The following TNFRSF21 variants were observed in gnomAD, a reference collection of about 807,000 sequenced individuals.
The protein encoded by TNFRSF21 is tumor necrosis factor receptor superfamily member 21.
TNFRSF21 carries 19 observed loss-of-function variants against 45.6 expected under a neutral mutation model. The observed-to-expected ratio is 0.42, with a 90% CI of 0.29 to 0.61. TNFRSF21 has a LOEUF of 0.61. Among genes scored for constraint, TNFRSF21 ranks in the 20% least tolerant of loss-of-function variants. TNFRSF21 has a pLI of 0.23. For missense variants in TNFRSF21, 737 were observed against 851.5 expected (o/e 0.87, Z 1.67); for synonymous variants, 314 against 335.5 (o/e 0.94, Z 0.70).
chr6:47,298,284 T>TAAAAA (rs558717941), intron 1 of TNFRSF21, among the ~76,000 whole-genome samples: 1 of 74,408 alleles, frequency 1.3e-5, no homozygotes. Flanking sequence ...TACAAAAAAT[T>TAAAAA]AAAAAAAAAA....
intron 3 of TNFRSF21, among the ~76,000 whole-genome samples, chr6:47,256,781 C>A (rs1764995230): frequency 1.3e-5 from 2 of 152,164 alleles, no homozygotes. Flanking sequence ...GTAGACTCTT[C>A]CAAACACCAA....
chr6:47,291,461 G>C (rs1762728586), intron 1 of TNFRSF21, among the ~76,000 whole-genome samples: 1 of 152,218 alleles, frequency 6.6e-6, no homozygotes. Context: ...ACTCAGACTA[G>C]GGTGGCGGAT....
In TNFRSF21 at chr6:47,286,565, G is replaced by T. The variant is rs1392804443; in HGVS notation, c.127C>A (p.Pro43Thr). The change falls in exon 2 of 6, where the codon CCA (proline) becomes ACA (threonine). Residue 43 changes from proline (P) to threonine (T), a missense_variant. Pro to Thr is a conservative substitution (Grantham distance 38). Coordinates refer to ENST00000296861, the MANE Select transcript of TNFRSF21 (RefSeq NM_014452.5). ...LGFLSTTTAQ[P>T]EQKASNLIGT... ...ATGAGATTCGAGGCCTTCTGTTCTG[G>T]CTGAGCTGTGGTGGTGCTAAGGAAT... 4.3e-6 allele frequency: 7 copies of T among 1,609,768 alleles called. No individual in the cohort carries two copies. In the Admixed American group the frequency reaches 1.0e-4, roughly 23 times the overall value.
At position 47,258,389 on chromosome 6, in the gene TNFRSF21, G is replaced by T. The variant is rs1035871104; in HGVS notation, c.1244-4868C>A. Among the ~76,000 whole-genome samples, 83 of 147,624 alleles carry T rather than the reference G, an allele frequency of 5.6e-4. 2 individuals are homozygous for T. The highest frequency in any genetic ancestry group is 1.3e-4 in the Admixed American group (2 of 14,854). On this transcript the variant is annotated intron_variant, in intron 3 of 5. Coordinates refer to ENST00000296861, the MANE Select transcript of TNFRSF21 (RefSeq NM_014452.5). The stretch of plus-strand genomic sequence containing the variant: ...TCTCAAAAAAAAGAAAAAAATAAAA[G>T]TAATTGTGGTTTTTTTTTTTTTTTT...
chr6:47,237,908 G>C (rs1040278340), intron 4 of TNFRSF21, among the ~76,000 whole-genome samples: 3 of 152,146 alleles, frequency 2.0e-5, no homozygotes, highest in Admixed American at 6.5e-5. Flanking sequence ...AAATGAGCCA[G>C]GCGTGGTGGC....
At chr6:47,274,249 A>C (rs1762464836) in intron 3 of TNFRSF21, among the ~76,000 whole-genome samples, 1 of 152,234 alleles carries the variant, frequency 6.6e-6, no homozygotes, top group South Asian at 2.1e-4. Flanking sequence ...CTACAAGGCT[A>C]TAGTAACCAA....
At chr6:47,301,292 G>A (rs1762862131) in intron 1 of TNFRSF21, among the ~76,000 whole-genome samples, 1 of 152,170 alleles carries the variant, frequency 6.6e-6, no homozygotes, top group South Asian at 2.1e-4. Flanking sequence ...ACACAATGAT[G>A]AAGAGCATAT....
At chr6:47,244,618 T>C (rs1458657222) in intron 4 of TNFRSF21, among the ~76,000 whole-genome samples, 1 of 152,212 alleles carries the variant, frequency 6.6e-6, no homozygotes, top group African/African-American at 2.4e-5. Context: ...AAGTTTTTTT[T>C]CTAGTACTTT....
At chr6:47,238,640 A>G (rs1764699609) in intron 4 of TNFRSF21, among the ~76,000 whole-genome samples, 1 of 152,234 alleles carries the variant, frequency 6.6e-6, no homozygotes, top group African/African-American at 2.4e-5. Flanking sequence ...CAAACTGATA[A>G]GGGAAGAAAG....
chr6:47,299,092 T>C (rs1319135134), intron 1 of TNFRSF21, among the ~76,000 whole-genome samples: 1 of 152,194 alleles, frequency 6.6e-6, no homozygotes, highest in Non-Finnish European at 1.5e-5. Flanking sequence ...GTTATCAGAA[T>C]AGTTCATTGC....
At chr6:47,281,616 G>A (rs563460594) in intron 3 of TNFRSF21, among the ~76,000 whole-genome samples, 1 of 152,226 alleles carries the variant, frequency 6.6e-6, no homozygotes, top group Admixed American at 6.5e-5. Flanking sequence ...CCTGACCTCA[G>A]TTGATCTGCA....
chr6:47,260,145 C>A (rs1247258360), intron 3 of TNFRSF21, among the ~76,000 whole-genome samples: 1 of 152,146 alleles, frequency 6.6e-6, no homozygotes, highest in African/African-American at 2.4e-5. Context: ...GAGTTCTGTA[C>A]AAACACAGGT....
intron 3 of TNFRSF21, among the ~76,000 whole-genome samples, chr6:47,277,717 A>T (rs9296539): frequency 0.011 from 1,640 of 152,282 alleles, 29 homozygotes; most frequent in African/African-American, 0.038. Context: ...ATTTTCTAAC[A>T]TTATAAACAG....
chr6:47,296,759 C>G (rs1197873547), intron 1 of TNFRSF21, among the ~76,000 whole-genome samples: 1 of 152,150 alleles, frequency 6.6e-6, no homozygotes, highest in Non-Finnish European at 1.5e-5. Flanking sequence ...GCTCCATGCC[C>G]CTTCCCACAC....
chr6:47,293,580 A>G (rs955983995), intron 1 of TNFRSF21, among the ~76,000 whole-genome samples: 3 of 152,212 alleles, frequency 2.0e-5, no homozygotes, highest in Non-Finnish European at 2.9e-5. Flanking sequence ...CAGGGCAGTC[A>G]AAAGAAATGT....
chr6:47,291,659 C>T (rs1305300683), intron 1 of TNFRSF21, among the ~76,000 whole-genome samples: 6 of 152,172 alleles, frequency 3.9e-5, no homozygotes, highest in Non-Finnish European at 5.9e-5. Flanking sequence ...GCTCCAAGCC[C>T]CCCATCTCTG....
chr6:47,285,196 A>G (rs936166658), intron 2 of TNFRSF21, among the ~76,000 whole-genome samples: 8 of 152,186 alleles, frequency 5.3e-5, no homozygotes, highest in Admixed American at 5.2e-4. Flanking sequence ...CATGCATGAG[A>G]GGACACTAGG....
At chr6:47,238,058 A>T (rs1764685096) in intron 4 of TNFRSF21, among the ~76,000 whole-genome samples, 1 of 152,228 alleles carries the variant, frequency 6.6e-6, no homozygotes, top group African/African-American at 2.4e-5. Flanking sequence ...TCAAAAAAAA[A>T]GAAAGAAAAA....
intron 1 of TNFRSF21, among the ~76,000 whole-genome samples, chr6:47,305,432 T>C (rs1263418744): frequency 6.6e-6 from 1 of 152,200 alleles, no homozygotes; most frequent in East Asian, 1.9e-4. Context: ...TCTAGGATTG[T>C]AGAGCTAAGA....
Sources: gnomAD v4.1 joint callset for allele counts (sites outside exome capture counted in the v4.1 genomes callset) on GRCh38, gnomAD v4.1.1 for gene constraint, MANE v1.5 for transcripts, NCBI Gene and HGNC (gene_info 2026-07-23, HGNC 2026-07-21) for gene names.